WWP2: variants seen among roughly 807,000 people sequenced by gnomAD.
The protein encoded by WWP2 is NEDD4-like E3 ubiquitin-protein ligase WWP2.
WWP2 carries 57 observed loss-of-function variants against 121.0 expected under a neutral mutation model. The observed-to-expected ratio is 0.47, with a 90% CI of 0.38 to 0.59. The LOEUF (loss-of-function observed/expected upper bound fraction) is 0.59. Among genes scored for constraint, WWP2 ranks in the 20% least tolerant of loss-of-function variants. The pLI, the probability that WWP2 is intolerant of heterozygous loss-of-function variation, is 0.00. For missense variants in WWP2, 962 were observed against 1,158.9 expected, an observed-to-expected ratio of 0.83 and a Z score of 2.47; for synonymous variants, 449 against 441.3, an observed-to-expected ratio of 1.02 and a Z score of -0.22.
chr16:69,909,458 G>T, intron 9 of WWP2: 1 of 985,512 alleles, frequency 1.0e-6, no homozygotes. Flanking sequence ...AGGAGAGCCC[G>T]TGTGCCCTGT....
intron 10 of WWP2, among the ~76,000 whole-genome samples, chr16:69,923,169 C>T (rs1319355046): frequency 1.3e-5 from 2 of 152,086 alleles, no homozygotes; most frequent in African/African-American, 4.8e-5. Flanking sequence ...GGATCACCAG[C>T]CTGAGCCACG....
intron 10 of WWP2, among the ~76,000 whole-genome samples, chr16:69,918,837 TTTTC>T (rs2058513014): frequency 6.6e-5 from 10 of 151,242 alleles, no homozygotes; most frequent in Admixed American, 2.6e-4. Context: ...TTCTTTTTCC[TTTTC>T]TTTCTTTTTT....
At chr16:69,809,440 C>T (rs2056345565) in intron 4 of WWP2, among the ~76,000 whole-genome samples, 1 of 151,780 alleles carries the variant, frequency 6.6e-6, no homozygotes, top group Non-Finnish European at 1.5e-5. Context: ...GAGGTTGTTT[C>T]AGGAGGGAAT....
chr16:69,936,421 G>A lies in WWP2; in HGVS notation c.2086G>A (p.Val696Ile). 2 of 1,614,100 alleles carry A rather than the reference G, an allele frequency of 1.2e-6. No individual in the cohort carries two copies. The highest frequency in any genetic ancestry group is 1.7e-6 in the Non-Finnish European group (2 of 1,180,034). ...GAAGGAGGGCGGCGAGAGCATCCGG[G>A]TCACAGAGGAGAACAAGGAAGAGTA... ...ELKEGGESIR[V>I]TEENKEEYIM... Residue 696 changes from valine (V) to isoleucine (I), a missense_variant, in exon 19 of 24, where the codon GTC (valine) becomes ATC (isoleucine). Physicochemically the swap from Val to Ile is conservative, Grantham distance 29. This residue lies in a region of WWP2 where 606 missense variants were observed against 772.6 expected (regional missense o/e 0.78). Transcript: ENST00000359154.
At chr16:69,938,572 C>T (rs958693360) in intron 21 of WWP2, among the ~76,000 whole-genome samples, 7 of 142,528 alleles carry the variant, frequency 4.9e-5, no homozygotes, top group African/African-American at 2.5e-5. Flanking sequence ...TGAGCTGGAC[C>T]GTGCCACTGC....
At chr16:69,834,006 G>C (rs930543417) in intron 4 of WWP2, among the ~76,000 whole-genome samples, 3 of 152,182 alleles carry the variant, frequency 2.0e-5, no homozygotes, top group Non-Finnish European at 4.4e-5. Context: ...ACCACCATCT[G>C]CTCTTGCCTG....
intron 1 of WWP2, among the ~76,000 whole-genome samples, chr16:69,768,653 G>A (rs2055350935): frequency 6.6e-6 from 1 of 152,026 alleles, no homozygotes; most frequent in Non-Finnish European, 1.5e-5. Context: ...ACCAAGACAT[G>A]GCAGTCCTGA....
intron 6 of WWP2, among the ~76,000 whole-genome samples, chr16:69,866,257 A>G (rs2057520653): frequency 6.6e-6 from 1 of 151,020 alleles, no homozygotes; most frequent in African/African-American, 2.4e-5. Context: ...GCTTTTTAAA[A>G]AAAGGTTTCA....
At chr16:69,798,998 G>A (rs187898082) in intron 3 of WWP2, 169 bp downstream of exon 3, 15 of 1,324,078 alleles carry the variant, frequency 1.1e-5, no homozygotes, top group Middle Eastern at 4.9e-4. Flanking sequence ...CTCATAGAGC[G>A]TTCATTATTA....
intron 7 of WWP2, among the ~76,000 whole-genome samples, chr16:69,876,957 G>C (rs2057746248): frequency 6.6e-6 from 1 of 152,140 alleles, no homozygotes; most frequent in Admixed American, 6.6e-5. Flanking sequence ...AACACAAGCA[G>C]AGTAGATTTA....
intron 1 of WWP2, among the ~76,000 whole-genome samples, chr16:69,767,278 G>A (rs991745634): frequency 1.3e-5 from 2 of 152,156 alleles, no homozygotes; most frequent in Non-Finnish European, 2.9e-5. Context: ...AATGCATGTT[G>A]TTTGTCAGGC....
chr16:69,833,892 G>A (rs1224822272), intron 4 of WWP2, among the ~76,000 whole-genome samples: 1 of 152,302 alleles, frequency 6.6e-6, no homozygotes, highest in Admixed American at 6.5e-5. Context: ...TGATGTGCTC[G>A]GTGGGGAGTC....
rs1465550430 is a variant in WWP2, at chr16:69,931,520, A to G, written c.1533A>G (p.Leu511=). Residue 511 remains leucine (L), a synonymous_variant, in exon 15 of 24, where the codon CTA becomes CTG. Transcript: ENST00000359154. ...TTTTTTTTTTTCAGTCAAATGCCCT[A>G]CCTAGCCACGTGAAGATCAGCGTTT... The part of the protein sequence containing the change: ...QFRFLCHSNA[L]PSHVKISVSR... 6.2e-7 allele frequency: 1 copy of G among 1,612,726 alleles called. No individual in the cohort carries two copies. Among genetic ancestry groups the G allele is most frequent in the African/African-American group, 1.3e-5 (1 of 74,446 alleles).
chr16:69,858,316 T>G (rs2057355869), intron 6 of WWP2, among the ~76,000 whole-genome samples: 1 of 152,110 alleles, frequency 6.6e-6, no homozygotes, highest in Admixed American at 6.6e-5. Context: ...TCATTCATCT[T>G]TGTGTCCCCA....
intron 6 of WWP2, among the ~76,000 whole-genome samples, chr16:69,867,042 G>C (rs1025664553): frequency 6.6e-6 from 1 of 151,620 alleles, no homozygotes; most frequent in African/African-American, 2.4e-5. Flanking sequence ...TGCCATGTTG[G>C]CCAGGCTGGT....
At chr16:69,870,241 A>T (rs1190718142) in intron 6 of WWP2, among the ~76,000 whole-genome samples, 1 of 151,816 alleles carries the variant, frequency 6.6e-6, no homozygotes, top group Non-Finnish European at 1.5e-5. Context: ...ATAATGTTAG[A>T]GTTCAGTGAA....
At position 69,937,270 on chromosome 16, in the gene WWP2, C is replaced by T; in HGVS notation, c.2238+32C>T. The T allele has an allele frequency of 6.2e-7, 1 of 1,610,910 alleles. No homozygotes were observed. The highest frequency in any genetic ancestry group is 8.5e-7 in the Non-Finnish European group (1 of 1,178,840). ...GTCTGAGGTTGCTGGGACCCTGAGC[C>T]CCTGCCTCTGGGGCGATCCTGCTCT... On this transcript the variant is annotated intron_variant, in intron 20 of 23. Transcript: ENST00000359154. This position sits in a 1 kb window ranked among gnomAD's most constrained non-coding sequence, Gnocchi z 6.6.
At chr16:69,871,778 G>GTCTGCTT in intron 6 of WWP2, 26 bp from the exon 7 acceptor site, 1 of 1,613,478 alleles carries the variant, frequency 6.2e-7, no homozygotes. Flanking sequence ...ACTTATGTCT[G>GTCTGCTT]TCTGCTTTCT....
intron 1 of WWP2, chr16:69,776,146 G>A (rs899102286): frequency 6.6e-6 from 1 of 152,144 alleles, no homozygotes; most frequent in Non-Finnish European, 1.5e-5. Flanking sequence ...CTGTGTCCCA[G>A]GCTATGACTG....
Sources: gnomAD v4.1 joint callset for allele counts (sites outside exome capture counted in the v4.1 genomes callset) on GRCh38, gnomAD v4.1.1 for gene constraint, gnomAD v4.1.1 regional missense constraint, Gnocchi (gnomAD v3.1) non-coding constraint, MANE v1.5 for transcripts, NCBI Gene and HGNC (gene_info 2026-07-23, HGNC 2026-07-21) for gene names.